Variants in STRA6 observed in about 807,000 individuals in gnomAD.
STRA6 encodes the protein signaling receptor and transporter of retinol STRA6, also known as receptor for retinol uptake STRA6.
A neutral mutation model predicts 83.6 loss-of-function variants in STRA6; 48 were observed. The observed-to-expected ratio is 0.57, with a 90% CI of 0.46 to 0.73. The LOEUF (loss-of-function observed/expected upper bound fraction) is 0.73, where lower values mean the gene tolerates loss of function less well. STRA6 is among the 30% of genes least tolerant of loss of function. STRA6 has a pLI of 0.00. For synonymous variants in STRA6, 353 were observed against 362.3 expected, an observed-to-expected ratio of 0.97 and a Z score of 0.29; for missense variants, 760 against 838.8, an observed-to-expected ratio of 0.91 and a Z score of 1.16.
chr15:74,194,905 T>A, intron 7 of STRA6: 1 of 1,421,550 alleles, frequency 7.0e-7, no homozygotes, highest in Non-Finnish European at 9.1e-7. Flanking sequence ...CTCAGCCCTC[T>A]TAGACCATCC....
chr15:74,200,351 C>G (rs2074002665), intron 2 of STRA6, among the ~76,000 whole-genome samples: 1 of 152,200 alleles, frequency 6.6e-6, no homozygotes, highest in African/African-American at 2.4e-5. Context: ...GCTGGGCAGG[C>G]CTTCCAGTTT....
chr15:74,200,550 T>G (rs939254842), intron 2 of STRA6, among the ~76,000 whole-genome samples: 9 of 151,920 alleles, frequency 5.9e-5, no homozygotes, highest in African/African-American at 2.2e-4. Context: ...CACTCCGGAG[T>G]TCTTCAAAGC....
At chr15:74,182,768 T>G (rs761561748) in intron 14 of STRA6, 1 of 377,068 alleles carries the variant, frequency 2.7e-6, no homozygotes, top group Non-Finnish European at 5.0e-6. Context: ...CAGTTTCTCC[T>G]GAGTTTGAGT....
chr15:74,194,441 G>A (rs1252339324), intron 7 of STRA6: 7 of 1,017,502 alleles, frequency 6.9e-6, no homozygotes, highest in African/African-American at 1.7e-5. Flanking sequence ...GGTTCTAGGT[G>A]GTGAAAAAAA....
rs1422914026 is a variant in STRA6 at position 74,195,656 on chromosome 15, T to C, written c.426A>G (p.Pro142=). 22 of 1,483,694 alleles carry C rather than the reference T, an allele frequency of 1.5e-5. No homozygotes were observed. Among genetic ancestry groups the C allele is most frequent in the Non-Finnish European group, 2.0e-5 (22 of 1,085,052 alleles). The allele number at this position is 1,483,694 out of a possible 1,614,324, so 91.9% of individuals were successfully genotyped here. ...CTGTGATCTTGGGCAAGTTACCTCT[T>C]GGAGCCTCAGTTTTCCCATCTGTAA... ...APSQDGKTEA[P]RGAWKILGLF... is the part of the protein sequence containing the mutation. Residue 142 remains proline, a synonymous_variant, in exon 6 of 19, where the codon CCA becomes CCG. Coordinates refer to ENST00000395105, the MANE Select transcript of STRA6 (RefSeq NM_022369.4).
intron 2 of STRA6, among the ~76,000 whole-genome samples, chr15:74,198,150 A>G (rs1464329824): frequency 6.6e-6 from 1 of 151,246 alleles, no homozygotes; most frequent in Non-Finnish European, 1.5e-5. Context: ...TCTGTCACCC[A>G]GGCTGGAGTG....
At chr15:74,206,213 C>T (rs890290772), upstream of STRA6, among the ~76,000 whole-genome samples, 2 of 152,150 alleles carry the variant, frequency 1.3e-5, no homozygotes, top group Admixed American at 1.3e-4. Context: ...TCCCACCTGC[C>T]CCCTCCTGGC....
rs561169835 is a variant in STRA6, at chr15:74,197,693, G to A, written c.180+59C>T. On this transcript the variant is annotated intron_variant, in intron 3 of 18. Transcript: ENST00000395105. ...TCACCAGCCCCAGTGGGGAACACAG[G>A]TCCCACTGCCCAGGCTGGCAGCAGC... 6.6e-5 allele frequency: 105 copies of A among 1,590,482 alleles called. No individual in the cohort carries two copies. The East Asian group carries it at 2.2e-3, about 33-fold the overall frequency.
chr15:74,202,908 T>G (rs543851582), upstream of STRA6: 37 of 990,256 alleles, frequency 3.7e-5, no homozygotes, highest in African/African-American at 5.7e-4. Flanking sequence ...GCCCCCCTCC[T>G]GGGGGAGGAG....
In STRA6 at chr15:74,197,771, G is replaced by T. The variant is rs1316884031; in HGVS notation, c.161C>A (p.Ala54Asp). 2 of 1,613,658 alleles carry T rather than the reference G, an allele frequency of 1.2e-6. No homozygotes were observed. ...ACTCACTGACAGCGAGGCCAGGCAG[G>T]CGTGGTACAGGCCGGGTGGTATGCT... is the stretch of plus-strand genomic sequence containing the variant. ...HTSIPPGLYH[A>D]CLASLSILVL... The change falls in exon 3 of 19, where the codon GCC (alanine) becomes GAC (aspartate). Residue 54 changes from alanine (A) to aspartate (D), a missense_variant. Coordinates refer to ENST00000395105, the MANE Select transcript of STRA6 (RefSeq NM_022369.4).
chr15:74,202,831 C>A (rs2074143988), upstream of STRA6: 2 of 1,075,812 alleles, frequency 1.9e-6, no homozygotes, highest in South Asian at 4.3e-5. Flanking sequence ...CCTCCCCCAG[C>A]CTCAGCCTGC....
chr15:74,208,753 G>A (rs1044628137), intron 1 of STRA6: 29 of 988,222 alleles, frequency 2.9e-5, no homozygotes, highest in Admixed American at 6.1e-5. Flanking sequence ...GCTGTTCCCC[G>A]ACCTGTTCCA....
chr15:74,202,141 G>A lies in STRA6; in HGVS notation c.113+14C>T. On this transcript the variant is annotated intron_variant, in intron 2 of 18. Transcript: ENST00000395105. ...GATGGCTGACAGAGTGAGGTGGGGT[G>A]GTTCCACACTTACCCCTCTGGCTGG... 1 of 1,479,248 alleles carries A rather than the reference G, an allele frequency of 6.8e-7. No individual in the cohort carries two copies. Among genetic ancestry groups the A allele is most frequent in the Non-Finnish European group, 9.0e-7 (1 of 1,115,888 alleles). The allele number at this position is 1,479,248 out of a possible 1,614,324, so 91.6% of individuals were successfully genotyped here. A position where few individuals can be genotyped will look rare whatever the true frequency, so the allele number is the denominator to read the frequency against.
In STRA6 at chr15:74,189,294, G is replaced by A. The variant is rs562607629; in HGVS notation, c.928-17C>T. On this transcript the variant is annotated splice_polypyrimidine_tract_variant and intron_variant, in intron 11 of 18. Coordinates refer to ENST00000395105, the MANE Select transcript of STRA6 (RefSeq NM_022369.4). ...CAGGGCCACCTGGAAGAGCCCCACAGTGAGGGCCCCATCCCAGGAAAGGGT... is the reference window on the plus strand; with the variant it reads ...CAGGGCCACCTGGAAGAGCCCCACAATGAGGGCCCCATCCCAGGAAAGGGT... 47 of 1,581,270 alleles carry A rather than the reference G, an allele frequency of 3.0e-5. No homozygotes were observed. In the South Asian group the frequency reaches 5.3e-4, roughly 18 times the overall value.
upstream of STRA6, among the ~76,000 whole-genome samples, chr15:74,203,791 A>C (rs1192086509): frequency 6.6e-6 from 1 of 152,126 alleles, no homozygotes; most frequent in Non-Finnish European, 1.5e-5. Flanking sequence ...GGGAAACCAA[A>C]TTTAGTCCAA....
At chr15:74,195,075 T>C (rs2073744030) in intron 7 of STRA6, 3 of 1,456,314 alleles carry the variant, frequency 2.1e-6, no homozygotes, top group East Asian at 2.5e-5. Context: ...CTCCGCCACC[T>C]CCTAGACTTA....
intron 13 of STRA6, 66 bp downstream of exon 13, chr15:74,184,914 G>C (rs750694694): frequency 6.5e-7 from 1 of 1,528,580 alleles, no homozygotes; most frequent in Non-Finnish European, 9.0e-7. Context: ...GGGCCTCCCC[G>C]CAGGCCCACA....
At position 74,188,978 on chromosome 15, in the gene STRA6, A is replaced by T; in HGVS notation, c.1090+137T>A. The T allele has an allele frequency of 9.5e-7, 1 of 1,049,670 alleles. No homozygotes were observed. Among genetic ancestry groups the T allele is most frequent in the Non-Finnish European group, 1.4e-6 (1 of 718,512 alleles). 65.0% of individuals were successfully genotyped at this position (1,049,670 alleles called of 1,614,324 possible). ...CGCCAACTGCCACAATTTGGAGATG[A>T]GGCAATCGAGACCCAGAGAGAGGAA... On this transcript the variant is annotated intron_variant, in intron 12 of 18. Coordinates refer to ENST00000395105, the MANE Select transcript of STRA6 (RefSeq NM_022369.4). This position sits in a 1 kb window ranked among gnomAD's most constrained non-coding sequence, Gnocchi z 4.5.
intron 10 of STRA6, 50 bp downstream of exon 10, chr15:74,191,117 G>A: frequency 6.2e-7 from 1 of 1,605,250 alleles, no homozygotes; most frequent in Non-Finnish European, 8.5e-7. Flanking sequence ...TTCTGTGCAA[G>A]GGAGGGTAAC....
Sources: gnomAD v4.1 joint callset for allele counts (sites outside exome capture counted in the v4.1 genomes callset) on GRCh38, gnomAD v4.1.1 for gene constraint, Gnocchi (gnomAD v3.1) non-coding constraint, MANE v1.5 for transcripts, NCBI Gene and HGNC (gene_info 2026-07-23, HGNC 2026-07-21) for gene names.